FBXO4: variants seen among roughly 807,000 people sequenced by gnomAD.
FBXO4 encodes F-box only protein 4.
FBXO4 carries 36 observed loss-of-function variants against 43.7 expected under a neutral mutation model. That is an observed-to-expected ratio of 0.82 (90% CI 0.63 to 1.09). The LOEUF (loss-of-function observed/expected upper bound fraction) is 1.09, where lower values mean the gene tolerates loss of function less well. FBXO4 is among the 50% of genes least tolerant of loss of function. The pLI is 0.00. For synonymous variants in FBXO4, 180 were observed against 165.6 expected, an observed-to-expected ratio of 1.09 and a Z score of -0.67; for missense variants, 435 against 474.1, an observed-to-expected ratio of 0.92 and a Z score of 0.77.
the FBXO4 span, among the ~76,000 whole-genome samples, chr5:41,963,465 C>T: frequency 6.6e-6 from 1 of 152,002 alleles, no homozygotes; most frequent in African/African-American, 2.4e-5. Context: ...AGGGCTGATC[C>T]CCCACATTGT....
the FBXO4 span, among the ~76,000 whole-genome samples, chr5:42,016,363 CT>C: frequency 4.2e-4 from 62 of 149,288 alleles, no homozygotes; most frequent in East Asian, 1.8e-3. Context: ...CCCCTCCCTC[CT>C]TTTTTTTTTC....
At chr5:42,031,402 T>C in the FBXO4 span, among the ~76,000 whole-genome samples, 3 of 135,460 alleles carry the variant, frequency 2.2e-5, no homozygotes, top group Non-Finnish European at 3.0e-5. Flanking sequence ...AGGTGGGAAT[T>C]GAACAATGAG....
At chr5:41,965,271 G>C in the FBXO4 span, among the ~76,000 whole-genome samples, 1 of 152,224 alleles carries the variant, frequency 6.6e-6, no homozygotes, top group Non-Finnish European at 1.5e-5. Flanking sequence ...GTACCATGCT[G>C]TTTTTGTTAC....
chr5:41,999,507 GTA>G, the FBXO4 span, among the ~76,000 whole-genome samples: 28,830 of 108,526 alleles, frequency 0.27, 3,999 homozygotes, highest in African/African-American at 0.42. Context: ...ATATATATGT[GTA>G]TATATATATA....
chr5:41,937,123 G>A (rs1198887830), intron 5 of FBXO4, among the ~76,000 whole-genome samples: 1 of 152,116 alleles, frequency 6.6e-6, no homozygotes, highest in African/African-American at 2.4e-5. Flanking sequence ...ACAGATAATG[G>A]CCAGAATTAT....
the FBXO4 span, among the ~76,000 whole-genome samples, chr5:42,036,481 C>T: frequency 2.9e-4 from 44 of 152,012 alleles, no homozygotes; most frequent in Non-Finnish European, 5.9e-4. Context: ...TAAAATAAAA[C>T]GGGTCGTTAG....
intron 2 of FBXO4, among the ~76,000 whole-genome samples, chr5:41,927,452 C>A (rs1442146239): frequency 6.6e-6 from 1 of 152,038 alleles, no homozygotes; most frequent in East Asian, 1.9e-4. Context: ...TGGTGCCTAA[C>A]CAGTATTTGA....
the FBXO4 span, among the ~76,000 whole-genome samples, chr5:42,018,078 T>A: frequency 6.6e-5 from 10 of 151,218 alleles, no homozygotes; most frequent in African/African-American, 2.4e-4. Context: ...ATCTCTGAAA[T>A]GATTGATTAA....
At chr5:42,037,422 C>A in the FBXO4 span, among the ~76,000 whole-genome samples, 24 of 152,086 alleles carry the variant, frequency 1.6e-4, no homozygotes, top group South Asian at 4.8e-3. Context: ...GAACTGAAAC[C>A]ATCCCTACAA....
At chr5:41,998,849 C>T in the FBXO4 span, among the ~76,000 whole-genome samples, 9 of 152,120 alleles carry the variant, frequency 5.9e-5, no homozygotes, top group African/African-American at 2.2e-4. Context: ...AGCTCTTTCT[C>T]TACAGGAGAT....
the FBXO4 span, among the ~76,000 whole-genome samples, chr5:41,989,102 C>T: frequency 2.0e-4 from 30 of 152,148 alleles, no homozygotes; most frequent in African/African-American, 4.1e-4. Flanking sequence ...AAGAAAAAAA[C>T]GGCCACAATG....
At chr5:41,949,319 T>C in the FBXO4 span, among the ~76,000 whole-genome samples, 3 of 152,130 alleles carry the variant, frequency 2.0e-5, no homozygotes, top group Non-Finnish European at 1.5e-5. Context: ...TTAGAAAACC[T>C]CATCGTCTCA....
At chr5:41,996,475 A>G in the FBXO4 span, among the ~76,000 whole-genome samples, 1 of 152,210 alleles carries the variant, frequency 6.6e-6, no homozygotes, top group Non-Finnish European at 1.5e-5. Context: ...AAAGGCTCCA[A>G]ACAGCATCTC....
the FBXO4 span, among the ~76,000 whole-genome samples, chr5:42,013,665 C>T: frequency 0.073 from 11,187 of 152,250 alleles, 489 homozygotes; most frequent in African/African-American, 0.12. Context: ...AAACTGCACA[C>T]GCTTAAGCGC....
At chr5:42,012,735 G>C in the FBXO4 span, among the ~76,000 whole-genome samples, 1 of 152,112 alleles carries the variant, frequency 6.6e-6, no homozygotes, top group Non-Finnish European at 1.5e-5. Flanking sequence ...GTATGTGCAA[G>C]GGTTAAGAAC....
At chr5:42,036,202 G>T in the FBXO4 span, among the ~76,000 whole-genome samples, 66 of 151,918 alleles carry the variant, frequency 4.3e-4, no homozygotes, top group Non-Finnish European at 4.4e-5. Context: ...AGCCTAATCT[G>T]TAAAATAATC....
intron 1 of FBXO4, 68 bp downstream of exon 1, chr5:41,925,566 C>T (rs897562178): frequency 7.2e-5 from 86 of 1,188,816 alleles, no homozygotes; most frequent in Non-Finnish European, 8.8e-5. Context: ...TCCCCTGGAG[C>T]CCCCCGGGGC....
chr5:41,927,871 C>T (rs1036972896), intron 2 of FBXO4, among the ~76,000 whole-genome samples: 3 of 152,104 alleles, frequency 2.0e-5, no homozygotes, highest in African/African-American at 7.2e-5. Context: ...TTGTAAGGGA[C>T]TATTCAGACT....
chr5:41,990,091 A>T, the FBXO4 span, among the ~76,000 whole-genome samples: 1 of 152,174 alleles, frequency 6.6e-6, no homozygotes, highest in Non-Finnish European at 1.5e-5. Context: ...CTACATTCAT[A>T]ATTTCAATAT....
Sources: gnomAD v4.1 joint callset for allele counts (sites outside exome capture counted in the v4.1 genomes callset) on GRCh38, gnomAD v4.1.1 for gene constraint, MANE v1.5 for transcripts, NCBI Gene and HGNC (gene_info 2026-07-23, HGNC 2026-07-21) for gene names.